The following SLC6A13 variants were observed in gnomAD, a reference collection of about 807,000 sequenced individuals.
The protein encoded by SLC6A13 is solute carrier family 6 member 13, also known as sodium- and chloride-dependent GABA transporter 2.
SLC6A13 carries 69 observed loss-of-function variants against 72.9 expected under a neutral mutation model. The ratio of observed to expected loss-of-function variants is 0.95; its 90% CI spans 0.78 to 1.16. The LOEUF (loss-of-function observed/expected upper bound fraction) is 1.16. SLC6A13 is among the 50% of genes most tolerant of loss of function. SLC6A13 has a pLI of 0.00. For synonymous variants in SLC6A13, 303 were observed against 303.0 expected (o/e 1.00, Z 0.00); for missense variants, 735 against 760.5 (o/e 0.97, Z 0.39).
chr12:223,185 A>C lies in SLC6A13; in HGVS notation c.1361T>G (p.Met454Arg), dbSNP rs774433423. ...QLFDYYAASGMCLLFVAIFES... is the reference protein window; with the variant it reads ...QLFDYYAASGRCLLFVAIFES... ...GAAGATGGCCACGAACAGGAGGCAC[A>C]TGCCACTGGCCGCATAGTAGTCAAA... Residue 454 changes from methionine to arginine, a missense_variant, in exon 12 of 15, where the codon ATG becomes AGG. Physicochemically the swap from Met to Arg is moderately conservative, Grantham distance 91 (BLOSUM62 -1). Transcript: ENST00000343164. The C allele has an allele frequency of 6.2e-7, 1 of 1,614,040 alleles. No individual in the cohort carries two copies. Among genetic ancestry groups the C allele is most frequent in the South Asian group, 1.1e-5 (1 of 91,064 alleles).
chr12:220,868 A>T lies in SLC6A13; in HGVS notation c.*80T>A. 6.4e-7 allele frequency: 1 copy of T among 1,568,962 alleles called. No individual in the cohort carries two copies. The highest frequency in any genetic ancestry group is 8.6e-7 in the Non-Finnish European group (1 of 1,156,456). ...CACTCCAGGTCGGGGGCAGGGAAGC[A>T]CATGGGGCTGCTTCTGCCACGTTCC... is the stretch of plus-strand genomic sequence containing the variant. On this transcript the variant is annotated 3_prime_UTR_variant, in exon 15 of 15. Transcript: ENST00000343164.
At position 221,370 on chromosome 12, in the gene SLC6A13, C is replaced by T; in HGVS notation, c.1686+6G>A. 1 of 1,584,222 alleles carries T rather than the reference C, an allele frequency of 6.3e-7. No homozygotes were observed. Among genetic ancestry groups the T allele is most frequent in the Non-Finnish European group, 8.6e-7 (1 of 1,165,242 alleles). The stretch of plus-strand genomic sequence containing the variant: ...CTGGCTGCTTTCCTGCCCGCAAAGG[C>T]CCTACCTCTCTGAAGGGGCCCTTGA... On this transcript the variant is annotated splice_donor_region_variant and intron_variant, in intron 14 of 14. Transcript: ENST00000343164.
At position 237,981 on chromosome 12, in the gene SLC6A13, CGTTG is replaced by C. The variant is rs1565498187; in HGVS notation, c.504_507del (p.Asn169AlafsTer3). On this transcript the variant is annotated frameshift_variant, in exon 5 of 15. Transcript: ENST00000343164. LOFTEE classifies it high-confidence loss of function. Reference sequence around the variant, plus strand: ...TTCTCAGAGGTACCATTCAGGGAGCCGTTGGTCTTCTGGAACTCCATACAGTGTT... The same window carrying C: ...TTCTCAGAGGTACCATTCAGGGAGCCGTCTTCTGGAACTCCATACAGTGTT... 6.2e-7 allele frequency: 1 copy of C among 1,613,980 alleles called. No individual in the cohort carries two copies. Among genetic ancestry groups the C allele is most frequent in the African/African-American group, 1.3e-5 (1 of 74,990 alleles).
intron 7 of SLC6A13, among the ~76,000 whole-genome samples, chr12:233,717 C>T (rs546628592): frequency 7.2e-5 from 11 of 152,248 alleles, no homozygotes; most frequent in Non-Finnish European, 1.5e-4. Context: ...TGAGTAAGGA[C>T]TGTGAGTGAC....
intron 4 of SLC6A13, among the ~76,000 whole-genome samples, chr12:239,894 G>A (rs1376414398): frequency 6.6e-6 from 1 of 152,154 alleles, no homozygotes; most frequent in Non-Finnish European, 1.5e-5. Context: ...GCTAGGCTCT[G>A]AGTAAAACCA....
intron 10 of SLC6A13, 45 bp downstream of exon 10, chr12:224,356 C>T (rs774603635): frequency 6.6e-6 from 10 of 1,503,910 alleles, no homozygotes; most frequent in Non-Finnish European, 9.3e-6. Context: ...CCAGCACACA[C>T]CCCCCCACTC....
chr12:235,344 G>T, intron 6 of SLC6A13, 120 bp from the exon 7 acceptor site: 1 of 958,454 alleles, frequency 1.0e-6, no homozygotes, highest in East Asian at 2.6e-5. Flanking sequence ...TGTTCCTCCT[G>T]CTCCCAGCTC....
rs148730764 is a variant in SLC6A13, at chr12:261,809, C to T, written c.-6+980G>A. 6.9e-3 allele frequency among the ~76,000 whole-genome samples: 1,056 copies of T among 152,072 alleles called. 7 individuals carry two copies. The highest frequency in any genetic ancestry group is 0.012 in the Non-Finnish European group (810 of 67,976). ...GGCATGGTGGCAGGCACCTGTAATC[C>T]CAGCTACTCAGGAGGCTGAGGCAGG... On this transcript the variant is annotated intron_variant, in intron 1 of 14. Coordinates refer to ENST00000343164, the MANE Select transcript of SLC6A13 (RefSeq NM_016615.5).
chr12:238,266 C>G (rs897973369), intron 4 of SLC6A13: 1 of 1,469,550 alleles, frequency 6.8e-7, no homozygotes. Flanking sequence ...CAGATGGCAA[C>G]AGGAAAGGTG....
intron 2 of SLC6A13, among the ~76,000 whole-genome samples, chr12:255,306 A>AT (rs1250539019): frequency 3.9e-4 from 60 of 152,318 alleles, no homozygotes; most frequent in Non-Finnish European, 7.9e-4. Flanking sequence ...GAAATTAAGG[A>AT]TGACTCCAAG....
At chr12:251,217 G>A (rs1489949269) in intron 2 of SLC6A13, among the ~76,000 whole-genome samples, 1 of 151,908 alleles carries the variant, frequency 6.6e-6, no homozygotes, top group Non-Finnish European at 1.5e-5. Context: ...ATTCCACCTG[G>A]TATTTATATT....
Position 221,011 on chromosome 12 carries a change from G to C in SLC6A13, c.1746C>G (p.Pro582=), listed in dbSNP as rs776559056. 3 of 1,612,430 alleles carry C rather than the reference G, an allele frequency of 1.9e-6. No homozygotes were observed. In the African/African-American group the frequency reaches 4.0e-5, roughly 22 times the overall value. ...EDLPQRNPAG[P]SAPATPRTSL... ...AGGTCCTGGGGGTGGCGGGAGCCGAGGGTCCTGCTGGGTTCCGCTGGGGCA... is the reference window on the plus strand; with the variant it reads ...AGGTCCTGGGGGTGGCGGGAGCCGACGGTCCTGCTGGGTTCCGCTGGGGCA... The change falls in exon 15 of 15, where the codon CCC becomes CCG. Residue 582 remains proline (P), a synonymous_variant. Transcript: ENST00000343164.
At chr12:235,906 A>G (rs1278765838) in intron 6 of SLC6A13, among the ~76,000 whole-genome samples, 2 of 152,170 alleles carry the variant, frequency 1.3e-5, no homozygotes, top group Non-Finnish European at 2.9e-5. Context: ...CAGTTGAGAT[A>G]AGGACTGAGA....
At chr12:251,080 C>A (rs533290739) in intron 2 of SLC6A13, among the ~76,000 whole-genome samples, 1 of 150,658 alleles carries the variant, frequency 6.6e-6, no homozygotes, top group South Asian at 2.1e-4. Flanking sequence ...TGCGTGAACC[C>A]GGGAGGCGGA....
At chr12:232,224 T>C (rs2137272626) in intron 7 of SLC6A13, among the ~76,000 whole-genome samples, 1 of 152,348 alleles carries the variant, frequency 6.6e-6, no homozygotes, top group South Asian at 2.1e-4. Context: ...TCTGCCAGCC[T>C]ACCTGCCTGT....
At chr12:223,019 G>C (rs1941280690) in intron 12 of SLC6A13, 113 bp downstream of exon 12, 1 of 666,874 alleles carries the variant, frequency 1.5e-6, no homozygotes, top group South Asian at 1.9e-5. Context: ...GTTGGGTAGG[G>C]AGGCGCCCCA....
chr12:243,047 T>C (rs1406459866), intron 3 of SLC6A13, among the ~76,000 whole-genome samples: 1 of 152,060 alleles, frequency 6.6e-6, no homozygotes, highest in African/African-American at 2.4e-5. Flanking sequence ...TTTGCTCTTG[T>C]CACCCAGGCT....
At chr12:241,418 T>C (rs373345898) in intron 4 of SLC6A13, among the ~76,000 whole-genome samples, 5 of 152,310 alleles carry the variant, frequency 3.3e-5, no homozygotes, top group African/African-American at 9.6e-5. Flanking sequence ...GAGAGAGGGA[T>C]GTGCCAAGAA....
chr12:259,614 T>A (rs1451937668), intron 2 of SLC6A13: 3 of 1,420,602 alleles, frequency 2.1e-6, no homozygotes, highest in Non-Finnish European at 1.8e-6. Context: ...ATCCACCTGG[T>A]TCCAGCTTGT....
Sources: allele counts gnomAD v4.1 joint callset (sites outside exome capture counted in the v4.1 genomes callset), GRCh38; gene constraint gnomAD v4.1.1; transcripts MANE v1.5; gene names NCBI Gene and HGNC (gene_info 2026-07-23, HGNC 2026-07-21).